PMPCB: variants seen among roughly 807,000 people sequenced by gnomAD.
PMPCB encodes the protein peptidase, mitochondrial processing subunit beta, also known as mitochondrial-processing peptidase subunit beta.
PMPCB carries 46 observed loss-of-function variants against 61.5 expected under a neutral mutation model. The observed-to-expected ratio is 0.75, with a 90% CI of 0.59 to 0.96. The LOEUF (loss-of-function observed/expected upper bound fraction) is 0.96. Among genes scored for constraint, PMPCB ranks in the 40% least tolerant of loss-of-function variants. PMPCB has a pLI of 0.00. For missense variants in PMPCB, 590 were observed against 602.4 expected (o/e 0.98, Z 0.22); for synonymous variants, 191 against 201.6 (o/e 0.95, Z 0.44).
Position 103,312,883 on chromosome 7 carries a change from A to G in PMPCB, c.*612A>G, listed in dbSNP as rs1817831860. 6.4e-7 allele frequency: 1 copy of G among 1,560,406 alleles called. No individual in the cohort carries two copies. The highest frequency in any genetic ancestry group is 1.4e-5 in the African/African-American group (1 of 72,596). On this transcript the variant is annotated 3_prime_UTR_variant, in exon 13 of 13. Coordinates refer to ENST00000249269, the MANE Select transcript of PMPCB (RefSeq NM_004279.3). ...ATTAACCACTTAATAGACATAAAAT[A>G]TGAGCTATATCACCCAAGCTACAAT...
downstream of PMPCB, chr7:103,315,680 C>T: frequency 2.3e-6 from 2 of 856,470 alleles, no homozygotes. Context: ...CCCTATCATT[C>T]TGAACATAGA....
At chr7:103,309,156 A>G (rs567518446) in intron 8 of PMPCB, 61 bp downstream of exon 8, 230 of 1,363,350 alleles carry the variant, frequency 1.7e-4, no homozygotes, top group African/African-American at 6.9e-4. Context: ...TTTCTTAAAT[A>G]TAAGTTCTTT....
At chr7:103,327,919 TTTC>T (rs1365427296) in intron 12 of PMPCB, among the ~76,000 whole-genome samples, 8 of 152,172 alleles carry the variant, frequency 5.3e-5, no homozygotes, top group African/African-American at 7.2e-5. Context: ...AACTGATTTA[TTTC>T]TTCTTATTAT....
chr7:103,326,515 T>C, intron 12 of PMPCB: 1 of 1,612,510 alleles, frequency 6.2e-7, no homozygotes, highest in Non-Finnish European at 8.5e-7. Flanking sequence ...AACAGGGCAC[T>C]ATGATCAAAA....
downstream of PMPCB, among the ~76,000 whole-genome samples, chr7:103,318,566 C>T (rs1272295466): frequency 6.6e-6 from 1 of 152,144 alleles, no homozygotes; most frequent in African/African-American, 2.4e-5. Flanking sequence ...TAAGGTTCTT[C>T]TCAGGTTCTT....
the PMPCB span, chr7:103,341,675 A>T: frequency 1.8e-6 from 2 of 1,122,684 alleles, no homozygotes; most frequent in Non-Finnish European, 2.5e-6. Context: ...GAATCATCTT[A>T]AAACATGTTT....
At chr7:103,310,188 T>G (rs947474624) in intron 8 of PMPCB, 127 bp from the exon 9 acceptor site, 72 of 683,188 alleles carry the variant, frequency 1.1e-4, no homozygotes, top group Non-Finnish European at 1.6e-4. Context: ...ACTCTACTAC[T>G]GAGATGTTGA....
chr7:103,342,941 G>C, the PMPCB span, among the ~76,000 whole-genome samples: 25 of 151,578 alleles, frequency 1.6e-4, no homozygotes, highest in Non-Finnish European at 2.8e-4. Flanking sequence ...AATAAATAGT[G>C]ATAAATTGTC....
intron 4 of PMPCB, among the ~76,000 whole-genome samples, chr7:103,301,667 G>C (rs1257390175): frequency 6.6e-6 from 1 of 152,206 alleles, no homozygotes; most frequent in Non-Finnish European, 1.5e-5. Context: ...CTCTGAAGCA[G>C]CTCCAACTTT....
chr7:103,308,161 C>G (rs1817637413), intron 7 of PMPCB, among the ~76,000 whole-genome samples: 1 of 152,194 alleles, frequency 6.6e-6, no homozygotes, highest in Non-Finnish European at 1.5e-5. Flanking sequence ...AGGGGATCTA[C>G]TAGTTATCAA....
chr7:103,312,142 CTTCTT>C lies in PMPCB; in HGVS notation c.1405+17_1405+21del. 1 of 1,613,990 alleles carries C rather than the reference CTTCTT, an allele frequency of 6.2e-7. No individual in the cohort carries two copies. The highest frequency in any genetic ancestry group is 8.5e-7 in the Non-Finnish European group (1 of 1,179,950). On this transcript the variant is annotated intron_variant, in intron 12 of 12. Transcript: ENST00000249269. Reference sequence around the variant, plus strand: ...CTATTGCTGCTGTTGGTAAGCCTGGCTTCTTTTCTTCTATGCAAAAAGTTGGCCAA... The same window carrying C: ...CTATTGCTGCTGTTGGTAAGCCTGGCTTCTTCTATGCAAAAAGTTGGCCAA...
intron 4 of PMPCB, 112 bp downstream of exon 4, chr7:103,300,419 A>ACCTC: frequency 1.2e-6 from 1 of 820,344 alleles, no homozygotes; most frequent in South Asian, 2.8e-5. Context: ...AAATGTGAAA[A>ACCTC]AGCGAAACTG....
intron 2 of PMPCB, among the ~76,000 whole-genome samples, chr7:103,298,993 C>T (rs1482610408): frequency 6.6e-6 from 1 of 152,210 alleles, no homozygotes; most frequent in Non-Finnish European, 1.5e-5. Flanking sequence ...CAGGGCTACT[C>T]TGCCAAGTGT....
chr7:103,308,561 G>A (rs1347737887), intron 7 of PMPCB, among the ~76,000 whole-genome samples: 1 of 152,196 alleles, frequency 6.6e-6, no homozygotes, highest in Non-Finnish European at 1.5e-5. Flanking sequence ...CGAGGTTGCG[G>A]TGAGCCGAGA....
downstream of PMPCB, chr7:103,315,667 T>C (rs1818007306): frequency 1.4e-6 from 1 of 720,732 alleles, no homozygotes; most frequent in East Asian, 2.7e-5. Flanking sequence ...AAACATTTTA[T>C]TTCCCTATCA....
chr7:103,347,252 A>G, the PMPCB span, among the ~76,000 whole-genome samples: 4,076 of 152,272 alleles, frequency 0.027, 100 homozygotes, highest in Non-Finnish European at 0.036. Flanking sequence ...CTTAATAGGT[A>G]TGTGGTGGCA....
chr7:103,322,558 T>C, intron 12 of PMPCB: 1 of 1,585,002 alleles, frequency 6.3e-7, no homozygotes, highest in Non-Finnish European at 8.6e-7. Flanking sequence ...GCTTTTGCTT[T>C]CTTTTCTGCT....
At position 103,314,523 on chromosome 7, in the gene PMPCB, C is replaced by A. The variant is rs1817937565; in HGVS notation, c.*2252C>A. 2 of 985,244 alleles carry A rather than the reference C, an allele frequency of 2.0e-6. No homozygotes were observed. The highest frequency in any genetic ancestry group is 4.7e-5 in the South Asian group (1 of 21,292). The allele number at this position is 985,244 out of a possible 1,614,324, so 61.0% of individuals were successfully genotyped here. A position where few individuals can be genotyped will look rare whatever the true frequency, so the allele number is the denominator to read the frequency against. ...ACCTCCCTCCAACATGGAAACAAGT[C>A]CCCCTAAGAAAGAGCTGAGACTAGT... On this transcript the variant is annotated 3_prime_UTR_variant, in exon 13 of 13. Transcript: ENST00000249269.
rs769083664 is a variant in PMPCB, at chr7:103,297,475, G to A, written c.16G>A (p.Ala6Thr). 1 of 1,545,466 alleles carries A rather than the reference G, an allele frequency of 6.5e-7. No individual in the cohort carries two copies. Among genetic ancestry groups the A allele is most frequent in the Non-Finnish European group, 8.7e-7 (1 of 1,145,584 alleles). Residue 6 changes from alanine to threonine, a missense_variant, in exon 1 of 13, where the codon GCT becomes ACT. Physicochemically the swap from Ala to Thr is moderately conservative, Grantham distance 58. Transcript: ENST00000249269. Reference protein sequence around the residue: MAAAAARVVLSSAARR... With the variant: MAAAATRVVLSSAARR... The stretch of plus-strand genomic sequence containing the variant: ...TCTAGCAGAAATGGCGGCTGCGGCG[G>A]CTCGAGTGGTGTTGTCATCCGCGGC...
Sources: allele counts gnomAD v4.1 joint callset (sites outside exome capture counted in the v4.1 genomes callset), GRCh38; gene constraint gnomAD v4.1.1; transcripts MANE v1.5; gene names NCBI Gene and HGNC (gene_info 2026-07-23, HGNC 2026-07-21).